The following PPP1R12B variants were observed in gnomAD, a reference collection of about 807,000 sequenced individuals.
PPP1R12B encodes protein phosphatase 1 regulatory subunit 12B, also known as myosin phosphatase target subunit 2.
A neutral mutation model predicts 126.1 loss-of-function variants in PPP1R12B; 76 were observed. That is an observed-to-expected ratio of 0.60 (90% CI 0.50 to 0.73). The LOEUF (loss-of-function observed/expected upper bound fraction) is 0.73, where lower values mean the gene tolerates loss of function less well. PPP1R12B is among the 30% of genes least tolerant of loss of function. PPP1R12B has a pLI of 0.00. For missense variants in PPP1R12B, 1,052 were observed against 1,205.1 expected, an observed-to-expected ratio of 0.87 and a Z score of 1.88; for synonymous variants, 356 against 434.7, an observed-to-expected ratio of 0.82 and a Z score of 2.25.
chr1:202,364,736 T>C (rs1031482782), intron 1 of PPP1R12B, among the ~76,000 whole-genome samples: 13 of 152,158 alleles, frequency 8.5e-5, no homozygotes, highest in Middle Eastern at 3.4e-3. Flanking sequence ...GCCACCATGC[T>C]CGGCTAAGTT....
chr1:202,525,683 G>A (rs979621479), intron 18 of PPP1R12B, among the ~76,000 whole-genome samples: 20 of 151,316 alleles, frequency 1.3e-4, no homozygotes, highest in Non-Finnish European at 2.7e-4. Flanking sequence ...AGCTTTTGGG[G>A]AGAGTCAAGA....
chr1:202,455,694 G>T (rs950005406), intron 13 of PPP1R12B, among the ~76,000 whole-genome samples: 2 of 152,144 alleles, frequency 1.3e-5, no homozygotes, highest in African/African-American at 4.8e-5. Flanking sequence ...AGAAGTTTTC[G>T]TGTGGACATC....
intron 18 of PPP1R12B, among the ~76,000 whole-genome samples, chr1:202,512,996 T>TG (rs758420016): frequency 6.6e-6 from 1 of 152,184 alleles, no homozygotes; most frequent in East Asian, 1.9e-4. Context: ...TGGAATGAGA[T>TG]GGAGTCTCAT....
intron 21 of PPP1R12B, 91 bp from the exon 22 acceptor site, chr1:202,567,687 A>G (rs1688187270): frequency 7.4e-7 from 1 of 1,356,930 alleles, no homozygotes; most frequent in East Asian, 2.3e-5. Context: ...GTTTATTTCT[A>G]GATGTCTAGT....
intron 12 of PPP1R12B, chr1:202,444,993 A>G: frequency 8.1e-7 from 1 of 1,235,652 alleles, no homozygotes. Flanking sequence ...GGTGCTGGGA[A>G]ATGGTGGGTG....
intron 18 of PPP1R12B, among the ~76,000 whole-genome samples, chr1:202,546,899 T>C (rs2148974767): frequency 6.6e-6 from 1 of 152,180 alleles, no homozygotes; most frequent in Non-Finnish European, 1.5e-5. Flanking sequence ...AGATAAGAGA[T>C]ATGTTTCTTT....
chr1:202,551,122 G>A (rs1686271487), intron 18 of PPP1R12B, among the ~76,000 whole-genome samples: 1 of 152,144 alleles, frequency 6.6e-6, no homozygotes, highest in African/African-American at 2.4e-5. Flanking sequence ...GTGAGATGAT[G>A]TTACATGATA....
At chr1:202,528,089 T>G (rs534057484) in intron 18 of PPP1R12B, among the ~76,000 whole-genome samples, 130 of 152,314 alleles carry the variant, frequency 8.5e-4, no homozygotes, top group Non-Finnish European at 4.4e-5. Flanking sequence ...TCAGTCGGTA[T>G]TATGACCAAC....
At chr1:202,465,011 A>T (rs1674798699) in intron 13 of PPP1R12B, among the ~76,000 whole-genome samples, 2 of 152,218 alleles carry the variant, frequency 1.3e-5, no homozygotes, top group Non-Finnish European at 2.9e-5. Context: ...TTGGCCTTTA[A>T]GTATATGAAA....
chr1:202,386,607 C>T (rs1370428637), intron 1 of PPP1R12B, among the ~76,000 whole-genome samples: 4 of 152,332 alleles, frequency 2.6e-5, no homozygotes, highest in East Asian at 1.9e-4. Context: ...GCGTGAGCCA[C>T]GGCGCCTGGC....
chr1:202,348,738 G>T lies in PPP1R12B; in HGVS notation c.-114G>T. On this transcript the variant is annotated 5_prime_UTR_variant, in exon 1 of 24. Transcript: ENST00000608999. ...GAGGAGTAAAGATGGCGGCGCGAGGGTCTCCGCCCTCTGCTCCGGGCTGAA... is the reference window on the plus strand; with the variant it reads ...GAGGAGTAAAGATGGCGGCGCGAGGTTCTCCGCCCTCTGCTCCGGGCTGAA... The T allele has an allele frequency of 7.4e-7, 1 of 1,342,908 alleles. No individual in the cohort carries two copies. Among genetic ancestry groups the T allele is most frequent in the South Asian group, 1.5e-5 (1 of 65,262 alleles). 83.2% of individuals were successfully genotyped at this position (1,342,908 alleles called of 1,614,324 possible).
chr1:202,578,483 G>A (rs757030552), intron 23 of PPP1R12B, among the ~76,000 whole-genome samples: 2 of 152,214 alleles, frequency 1.3e-5, no homozygotes, highest in African/African-American at 4.8e-5. Flanking sequence ...AGTCTGGTAG[G>A]CAAGGCTACA....
chr1:202,474,393 G>A (rs10920408), intron 13 of PPP1R12B, among the ~76,000 whole-genome samples: 62,100 of 151,354 alleles, frequency 0.41, 14,715 homozygotes, highest in East Asian at 0.7. Context: ...AGTGATTCTC[G>A]TGCCTCAGCC....
chr1:202,575,124 C>T, intron 23 of PPP1R12B: 1 of 1,613,576 alleles, frequency 6.2e-7, no homozygotes. Context: ...CCTCGGACAC[C>T]CAGGAGCTCT....
chr1:202,468,691 T>C (rs537166070), intron 13 of PPP1R12B, among the ~76,000 whole-genome samples: 58 of 152,300 alleles, frequency 3.8e-4, no homozygotes, highest in African/African-American at 1.3e-3. Context: ...CGGTGGCTCA[T>C]GCCTGTAATC....
rs370084498 is a variant in PPP1R12B, at chr1:202,389,736, G to A, written c.292-27051G>A. Reference sequence around the variant, plus strand: ...GAGGTCAGGAGTTCGAGACCAGCCTGGCCAACATAGTGAAACCCTGTCTCT... The same window carrying A: ...GAGGTCAGGAGTTCGAGACCAGCCTAGCCAACATAGTGAAACCCTGTCTCT... On this transcript the variant is annotated intron_variant, in intron 1 of 23. Transcript: ENST00000608999. 9.9e-5 allele frequency among the ~76,000 whole-genome samples: 15 copies of A among 152,058 alleles called. 1 individual carries two copies. In the East Asian group the frequency reaches 2.5e-3, roughly 26 times the overall value.
At chr1:202,532,596 C>T (rs1356989513) in intron 18 of PPP1R12B, among the ~76,000 whole-genome samples, 1 of 152,066 alleles carries the variant, frequency 6.6e-6, no homozygotes, top group Non-Finnish European at 1.5e-5. Flanking sequence ...AATAATGAGC[C>T]TCATTGTACC....
chr1:202,375,523 C>A (rs1042114383), intron 1 of PPP1R12B, among the ~76,000 whole-genome samples: 9 of 152,190 alleles, frequency 5.9e-5, no homozygotes, highest in Non-Finnish European at 1.5e-5. Context: ...AACATCAGTG[C>A]CTCTAAGGAG....
At chr1:202,363,320 C>A (rs568138724) in intron 1 of PPP1R12B, among the ~76,000 whole-genome samples, 1 of 152,146 alleles carries the variant, frequency 6.6e-6, no homozygotes, top group South Asian at 2.1e-4. Context: ...CTATTCTGGT[C>A]TATATTGCTT....
Sources: gnomAD v4.1 joint callset for allele counts (sites outside exome capture counted in the v4.1 genomes callset) on GRCh38, gnomAD v4.1.1 for gene constraint, MANE v1.5 for transcripts, NCBI Gene and HGNC (gene_info 2026-07-23, HGNC 2026-07-21) for gene names.